IQSEC3: variants seen among roughly 807,000 people sequenced by gnomAD.
IQSEC3 encodes IQ motif and SEC7 domain-containing protein 3.
IQSEC3 carries 50 observed loss-of-function variants against 105.4 expected under a neutral mutation model. The observed-to-expected ratio is 0.47, with a 90% CI of 0.38 to 0.60. The LOEUF (loss-of-function observed/expected upper bound fraction) is 0.60, where lower values mean the gene tolerates loss of function less well. Ranked by LOEUF, IQSEC3 falls within the 20% of genes least tolerant of loss-of-function variation. The pLI, the probability that IQSEC3 is intolerant of heterozygous loss-of-function variation, is 0.00. For synonymous variants in IQSEC3, 708 were observed against 746.0 expected (o/e 0.95, Z 0.83); for missense variants, 1,415 against 1,630.0 (o/e 0.87, Z 2.27).
rs1268150557 is a variant in IQSEC3 at position 176,637 on chromosome 12, T to G, written c.*1604T>G. 6.6e-6 allele frequency: 1 copy of G among 152,040 alleles called. No homozygotes were observed. The highest frequency in any genetic ancestry group is 6.5e-5 in the Admixed American group (1 of 15,274). The allele number at this position is 152,040 out of a possible 1,614,324, so 9.4% of individuals were successfully genotyped here. A position where few individuals can be genotyped will look rare whatever the true frequency, so the allele number is the denominator to read the frequency against. On this transcript the variant is annotated 3_prime_UTR_variant, in exon 14 of 14. Coordinates refer to ENST00000538872, the MANE Select transcript of IQSEC3 (RefSeq NM_001170738.2). This position sits in a 1 kb window ranked among gnomAD's most constrained non-coding sequence, Gnocchi z 4.0. The stretch of plus-strand genomic sequence containing the variant: ...GTTTCGTTTTGTGTGTGTGTGTGTG[T>G]GGTCACCCAGACGTCACTGTGATAT...
chr12:143,946 A>G (rs1555090156), intron 5 of IQSEC3: 1 of 154,486 alleles, frequency 6.5e-6, no homozygotes, highest in Admixed American at 6.5e-5. Flanking sequence ...GAGCATGGAA[A>G]GAGAGTGAGA....
At chr12:79,380 G>T (rs1555070188) in intron 1 of IQSEC3, among the ~76,000 whole-genome samples, 2 of 152,146 alleles carry the variant, frequency 1.3e-5, no homozygotes, top group Non-Finnish European at 2.9e-5. Flanking sequence ...ACTTGTACAG[G>T]TGGCTTTTAA....
intron 1 of IQSEC3, among the ~76,000 whole-genome samples, chr12:71,884 G>T (rs1442595526): frequency 6.6e-6 from 1 of 152,276 alleles, no homozygotes; most frequent in Admixed American, 6.5e-5. Context: ...CAGGATGAAG[G>T]CTCACTGGGA....
rs897102285 is a variant in IQSEC3 at position 125,844 on chromosome 12, A to G, written c.835A>G (p.Thr279Ala). Residue 279 changes from threonine to alanine, a missense_variant, in exon 3 of 14, where the codon ACG becomes GCG. This residue lies in a region of IQSEC3 where 720 missense variants were observed against 633.0 expected (regional missense o/e 1.14). Transcript: ENST00000538872. ...SPGRQQPALA[T>A]ALCPHAPAAS... is the part of the protein sequence containing the mutation. ...CGGCCGGCAGCAGCCTGCCCTGGCGACGGCGCTGTGCCCCCACGCCCCTGC... is the reference window on the plus strand; with the variant it reads ...CGGCCGGCAGCAGCCTGCCCTGGCGGCGGCGCTGTGCCCCCACGCCCCTGC... The G allele has an allele frequency of 7.8e-6, 12 of 1,532,912 alleles. No individual in the cohort carries two copies. Among genetic ancestry groups the G allele is most frequent in the Non-Finnish European group, 1.0e-5 (12 of 1,146,062 alleles). The allele number at this position is 1,532,912 out of a possible 1,614,324, so 95.0% of individuals were successfully genotyped here. A position where few individuals can be genotyped will look rare whatever the true frequency, so the allele number is the denominator to read the frequency against.
At chr12:71,096 C>A (rs1252597887) in intron 1 of IQSEC3, among the ~76,000 whole-genome samples, 4 of 152,272 alleles carry the variant, frequency 2.6e-5, no homozygotes, top group Non-Finnish European at 5.9e-5. Flanking sequence ...TCTTGAGTAT[C>A]TTTTGAGCTC....
intron 11 of IQSEC3, chr12:167,526 T>A (rs1365376727): frequency 6.9e-6 from 1 of 144,132 alleles, no homozygotes; most frequent in Non-Finnish European, 1.5e-5. Context: ...AAGGAACAGC[T>A]GAGGGAAGAG....
At chr12:124,214 C>G (rs975005197) in intron 2 of IQSEC3, among the ~76,000 whole-genome samples, 1 of 151,844 alleles carries the variant, frequency 6.6e-6, no homozygotes, top group Non-Finnish European at 1.5e-5. Flanking sequence ...TGGTGAAACC[C>G]TGTCTCTGCT....
At chr12:120,331 G>T (rs1865177506) in intron 2 of IQSEC3, among the ~76,000 whole-genome samples, 1 of 152,154 alleles carries the variant, frequency 6.6e-6, no homozygotes, top group Non-Finnish European at 1.5e-5. Context: ...GGCCTGAGAG[G>T]GTTCGGCAGA....
intron 1 of IQSEC3, among the ~76,000 whole-genome samples, chr12:73,988 G>C (rs1302828128): frequency 6.6e-6 from 1 of 152,250 alleles, no homozygotes; most frequent in Non-Finnish European, 1.5e-5. Context: ...AAGATTATTT[G>C]CACTTCTCTT....
At chr12:131,042 C>CGA (rs200215074) in intron 3 of IQSEC3, among the ~76,000 whole-genome samples, 15,912 of 52,536 alleles carry the variant, frequency 0.3, 1,711 homozygotes, top group Middle Eastern at 0.39. Context: ...CTGGCCCCCG[C>CGA]TCCTCAGCAC....
At chr12:167,986 T>G (rs782491542) in intron 11 of IQSEC3, among the ~76,000 whole-genome samples, 3 of 152,152 alleles carry the variant, frequency 2.0e-5, no homozygotes, top group African/African-American at 7.2e-5. Flanking sequence ...ATATTTAGCA[T>G]TGATCGATGG....
Position 138,087 on chromosome 12 carries a change from T to C in IQSEC3, c.904-180T>C, listed in dbSNP as rs1020978364. Among the ~76,000 whole-genome samples, 1 of 151,676 alleles carries C rather than the reference T, an allele frequency of 6.6e-6. No individual in the cohort carries two copies. Among genetic ancestry groups the C allele is most frequent in the Non-Finnish European group, 1.5e-5 (1 of 67,926 alleles). Reference sequence around the variant, plus strand: ...CCCCTCCGTCCTACACCTCTAGGAGTCTTGCCACGTGGCCAGGACGTTCTA... The same window carrying C: ...CCCCTCCGTCCTACACCTCTAGGAGCCTTGCCACGTGGCCAGGACGTTCTA... On this transcript the variant is annotated intron_variant, in intron 3 of 13. Coordinates refer to ENST00000538872, the MANE Select transcript of IQSEC3 (RefSeq NM_001170738.2). This position sits in a 1 kb window ranked among gnomAD's most constrained non-coding sequence, Gnocchi z 7.1.
chr12:111,844 A>T (rs1475969735), intron 2 of IQSEC3: 5 of 152,220 alleles, frequency 3.3e-5, no homozygotes, highest in Admixed American at 3.3e-4. Context: ...TGTGAGAAAC[A>T]GACTCACCCG....
At chr12:125,601 C>T (rs987133699) in intron 2 of IQSEC3, 32 bp from the exon 3 acceptor site, 6 of 1,469,736 alleles carry the variant, frequency 4.1e-6, no homozygotes, top group South Asian at 1.4e-5. Context: ...CGCCCTCTCC[C>T]CCAACCGAGC....
At chr12:84,088 G>A (rs1863840406) in intron 1 of IQSEC3, among the ~76,000 whole-genome samples, 1 of 152,220 alleles carries the variant, frequency 6.6e-6, no homozygotes, top group African/African-American at 2.4e-5. Flanking sequence ...CACTGTAAGA[G>A]GAGTCCCCTG....
Position 76,334 on chromosome 12 carries a change from A to T in IQSEC3, c.554+8898A>T, listed in dbSNP as rs527799492. On this transcript the variant is annotated intron_variant, in intron 1 of 13. Coordinates refer to ENST00000538872, the MANE Select transcript of IQSEC3 (RefSeq NM_001170738.2). The stretch of plus-strand genomic sequence containing the variant: ...AGGGAAGTGTCAATACCGTGACGGG[A>T]CGGTGAGCAGGTGGTGCGCAGGCGT... 2.0e-5 allele frequency among the ~76,000 whole-genome samples: 3 copies of T among 152,366 alleles called. No individual in the cohort carries two copies. The East Asian group carries it at 5.8e-4, about 29-fold the overall frequency.
In IQSEC3 at chr12:139,119, G is replaced by A; in HGVS notation, c.1756G>A (p.Gly586Arg). Reference protein sequence around the residue: ...EEEETAEVGRGAEAEAGDLEQ... With the variant: ...EEEETAEVGRRAEAEAGDLEQ... ...GGAGGAGACGGCGGAGGTGGGGAGA[G>A]GGGCCGAGGCCGAGGCAGGCGACTT... is the stretch of plus-strand genomic sequence containing the variant. Residue 586 changes from glycine (G) to arginine (R), a missense_variant, in exon 4 of 14, where the codon GGG becomes AGG. Coordinates refer to ENST00000538872, the MANE Select transcript of IQSEC3 (RefSeq NM_001170738.2). The A allele has an allele frequency of 6.6e-7, 1 of 1,512,924 alleles. No individual in the cohort carries two copies. The highest frequency in any genetic ancestry group is 1.3e-5 in the South Asian group (1 of 79,618). The allele number at this position is 1,512,924 out of a possible 1,614,324, so 93.7% of individuals were successfully genotyped here. A position where few individuals can be genotyped will look rare whatever the true frequency, so the allele number is the denominator to read the frequency against.
chr12:104,528 G>A (rs1864573482), intron 2 of IQSEC3, among the ~76,000 whole-genome samples: 2 of 151,956 alleles, frequency 1.3e-5, no homozygotes, highest in South Asian at 4.2e-4. Flanking sequence ...TTTTCTCTGC[G>A]TTGGGTTTTA....
At chr12:147,580 A>C (rs976744548) in intron 5 of IQSEC3, among the ~76,000 whole-genome samples, 17 of 152,070 alleles carry the variant, frequency 1.1e-4, no homozygotes, top group African/African-American at 4.1e-4. Flanking sequence ...GGTTGCTCTC[A>C]CAGTCCTTGT....
Sources: gnomAD v4.1 joint callset for allele counts (sites outside exome capture counted in the v4.1 genomes callset) on GRCh38, gnomAD v4.1.1 for gene constraint, gnomAD v4.1.1 regional missense constraint, Gnocchi (gnomAD v3.1) non-coding constraint, MANE v1.5 for transcripts, NCBI Gene and HGNC (gene_info 2026-07-23, HGNC 2026-07-21) for gene names.